The following PTPRJ variants were observed in gnomAD, a reference collection of about 807,000 sequenced individuals.
PTPRJ encodes receptor-type tyrosine-protein phosphatase eta.
PTPRJ carries 129 observed loss-of-function variants against 141.3 expected under a neutral mutation model. That is an observed-to-expected ratio of 0.91 (90% CI 0.79 to 1.06). PTPRJ has a LOEUF of 1.06. PTPRJ is among the 50% of genes least tolerant of loss of function. The probability of loss-of-function intolerance (pLI) is 0.00; values close to 1 mark genes in which losing one functional copy is unlikely to be tolerated. For synonymous variants in PTPRJ, 610 were observed against 640.5 expected, an observed-to-expected ratio of 0.95 and a Z score of 0.72; for missense variants, 1,601 against 1,679.7, an observed-to-expected ratio of 0.95 and a Z score of 0.82.
intron 1 of PTPRJ, among the ~76,000 whole-genome samples, chr11:48,031,854 C>G: frequency 6.6e-6 from 1 of 152,184 alleles, no homozygotes; most frequent in East Asian, 1.9e-4. Context: ...TTAGTAAGTT[C>G]CAGTGTTGGG....
At chr11:48,083,665 C>T (rs1172324038) in intron 1 of PTPRJ, among the ~76,000 whole-genome samples, 4 of 152,166 alleles carry the variant, frequency 2.6e-5, no homozygotes, top group East Asian at 3.8e-4. Flanking sequence ...ATGTGAGCTG[C>T]ATGAGGTCAG....
In PTPRJ at chr11:48,159,161, G is replaced by GTGTGTGTGTGTGTGTGTGTA. The variant is rs60389100; in HGVS notation, c.3439-769_3439-768insTGTGTGTGTGTGTGTGTGTA. On this transcript the variant is annotated intron_variant, in intron 21 of 24. Coordinates refer to ENST00000418331, the MANE Select transcript of PTPRJ (RefSeq NM_002843.4). Reference sequence around the variant, plus strand: ...TGTGTGTGTGTGTGTGTGTGTGTGTGGTCATTTGCCAAATGGGTATTCAGA... The same window carrying GTGTGTGTGTGTGTGTGTGTA: ...TGTGTGTGTGTGTGTGTGTGTGTGTGTGTGTGTGTGTGTGTGTGTAGTCATTTGCCAAATGGGTATTCAGA... Among the ~76,000 whole-genome samples, 9 of 130,632 alleles carry GTGTGTGTGTGTGTGTGTGTA rather than the reference G, an allele frequency of 6.9e-5. No homozygotes were observed. The East Asian group carries it at 7.3e-4, about 11-fold the overall frequency. 85.7% of individuals were successfully genotyped at this position (130,632 alleles called of 152,430 possible). A position where few individuals can be genotyped will look rare whatever the true frequency, so the allele number is the denominator to read the frequency against.
At chr11:47,995,202 A>G (rs1454206898) in intron 1 of PTPRJ, among the ~76,000 whole-genome samples, 2 of 152,242 alleles carry the variant, frequency 1.3e-5, no homozygotes, top group African/African-American at 4.8e-5. Context: ...GATTGCCTTA[A>G]GATAAATTGA....
At chr11:48,129,649 T>A (rs533396493) in intron 7 of PTPRJ, among the ~76,000 whole-genome samples, 1 of 152,262 alleles carries the variant, frequency 6.6e-6, no homozygotes, top group African/African-American at 2.4e-5. Context: ...TCTGCAGAAC[T>A]GACCCCCTGG....
chr11:48,053,479 AT>A (rs1329618000), intron 1 of PTPRJ, among the ~76,000 whole-genome samples: 4 of 122,054 alleles, frequency 3.3e-5, no homozygotes, highest in Non-Finnish European at 6.4e-5. Flanking sequence ...TATATAAAAA[AT>A]ATATATAAAA....
At chr11:48,147,468 G>A (rs1857379886) in intron 15 of PTPRJ, among the ~76,000 whole-genome samples, 1 of 152,188 alleles carries the variant, frequency 6.6e-6, no homozygotes, top group Non-Finnish European at 1.5e-5. Context: ...TACCCTGTGA[G>A]GTCATTAAAT....
At chr11:48,066,894 G>A (rs752814859) in intron 1 of PTPRJ, among the ~76,000 whole-genome samples, 4 of 152,068 alleles carry the variant, frequency 2.6e-5, no homozygotes, top group Admixed American at 2.0e-4. Flanking sequence ...CCTTCCAGTC[G>A]TATTCTTGAC....
At chr11:48,034,528 A>G (rs901452838) in intron 1 of PTPRJ, among the ~76,000 whole-genome samples, 3 of 152,106 alleles carry the variant, frequency 2.0e-5, no homozygotes, top group Non-Finnish European at 4.4e-5. Context: ...TCTTATTTTT[A>G]TTTGTATAAT....
At chr11:48,034,258 G>C (rs975831127) in intron 1 of PTPRJ, among the ~76,000 whole-genome samples, 39 of 152,142 alleles carry the variant, frequency 2.6e-4, no homozygotes, top group African/African-American at 8.9e-4. Context: ...AAAAGAACAA[G>C]TGGTTATTCA....
At chr11:48,059,500 G>T (rs1854860053) in intron 1 of PTPRJ, among the ~76,000 whole-genome samples, 1 of 152,156 alleles carries the variant, frequency 6.6e-6, no homozygotes, top group Non-Finnish European at 1.5e-5. Context: ...GCTACAGGGG[G>T]ATGCTGGTCT....
intron 1 of PTPRJ, among the ~76,000 whole-genome samples, chr11:48,094,197 A>G (rs1466109478): frequency 6.6e-6 from 1 of 152,268 alleles, no homozygotes; most frequent in African/African-American, 2.4e-5. Flanking sequence ...AGCAAGGACC[A>G]AGTACAATGT....
At chr11:47,992,776 G>T (rs1326851674) in intron 1 of PTPRJ, among the ~76,000 whole-genome samples, 1 of 152,144 alleles carries the variant, frequency 6.6e-6, no homozygotes, top group Non-Finnish European at 1.5e-5. Context: ...ATCAGAGTTT[G>T]CTGGTAAGTA....
At chr11:47,991,682 A>G (rs1370832798) in intron 1 of PTPRJ, among the ~76,000 whole-genome samples, 1 of 152,100 alleles carries the variant, frequency 6.6e-6, no homozygotes, top group Non-Finnish European at 1.5e-5. Context: ...CTGGGTGTGA[A>G]GGGAAATTGC....
rs190600832 is a variant in PTPRJ, at chr11:48,135,028, T to C, written c.1616-1011T>C. ...ACAACAAAACAAAAAAACCTCTTTA[T>C]TGAGATATAATATACATACCGAAAA... On this transcript the variant is annotated intron_variant, in intron 8 of 24. Coordinates refer to ENST00000418331, the MANE Select transcript of PTPRJ (RefSeq NM_002843.4). Among the ~76,000 whole-genome samples, 450 of 152,318 alleles carry C rather than the reference T, an allele frequency of 3.0e-3. 1 individual carries two copies. The highest frequency in any genetic ancestry group is 0.01 in the African/African-American group (434 of 41,564).
intron 1 of PTPRJ, among the ~76,000 whole-genome samples, chr11:48,077,660 G>T (rs1241230869): frequency 1.3e-5 from 2 of 152,100 alleles, no homozygotes; most frequent in African/African-American, 2.4e-5. Flanking sequence ...CCATGCCTTT[G>T]CACGAATCTT....
chr11:48,045,638 A>G (rs1854374006), intron 1 of PTPRJ, among the ~76,000 whole-genome samples: 1 of 152,096 alleles, frequency 6.6e-6, no homozygotes, highest in South Asian at 2.1e-4. Context: ...CTATCTGGGC[A>G]GTGATGGGTG....
chr11:48,040,035 C>T (rs552871434), intron 1 of PTPRJ, among the ~76,000 whole-genome samples: 8 of 152,316 alleles, frequency 5.3e-5, no homozygotes, highest in African/African-American at 1.4e-4. Context: ...GTGATCTGCC[C>T]GCTGCAGCTT....
rs1170304855 is a variant in PTPRJ, at chr11:48,127,955, A to G, written c.1269A>G (p.Gly423=). The change falls in exon 7 of 25, where the codon GGA becomes GGG. Residue 423 remains glycine, a synonymous_variant. Coordinates refer to ENST00000418331, the MANE Select transcript of PTPRJ (RefSeq NM_002843.4). The stretch of plus-strand genomic sequence containing the variant: ...GTGAGCCTCGCGCTGTCATCCCCGG[A>G]CTCCGCTCCAGCACCTTCTACAACA... ...NVSEPRAVIP[G]LRSSTFYNIT... The G allele has an allele frequency of 3.1e-6, 5 of 1,613,968 alleles. No individual in the cohort carries two copies. Among genetic ancestry groups the G allele is most frequent in the Non-Finnish European group, 4.2e-6 (5 of 1,180,000 alleles).
Position 48,168,534 on chromosome 11 carries a change from GTATATATATATATATATATATATA to G in PTPRJ, c.*1197_*1220del, listed in dbSNP as rs71045551. 18 of 44,072 alleles carry G rather than the reference GTATATATATATATATATATATATA, an allele frequency of 4.1e-4. No individual in the cohort carries two copies. Among genetic ancestry groups the G allele is most frequent in the South Asian group, 2.5e-3 (3 of 1,224 alleles). 2.7% of individuals were successfully genotyped at this position (44,072 alleles called of 1,614,324 possible). The stretch of plus-strand genomic sequence containing the variant: ...CGTGACACATATCGGAATCTACTGT[GTATATATATATATATATATATATA>G]TATATATATATATATATATATATAC... On this transcript the variant is annotated 3_prime_UTR_variant, in exon 25 of 25. Transcript: ENST00000418331.
Sources: allele counts gnomAD v4.1 joint callset (sites outside exome capture counted in the v4.1 genomes callset), GRCh38; gene constraint gnomAD v4.1.1; transcripts MANE v1.5; gene names NCBI Gene and HGNC (gene_info 2026-07-23, HGNC 2026-07-21).